The following ZFYVE28 variants were observed in gnomAD, a reference collection of about 807,000 sequenced individuals.
ZFYVE28 encodes the protein zinc finger FYVE-type containing 28.
In ZFYVE28, 40 loss-of-function variants were observed where a neutral mutation model predicts 82.1. That is an observed-to-expected ratio of 0.49 (90% confidence interval 0.38 to 0.63). ZFYVE28 has a LOEUF of 0.63. Among genes scored for constraint, ZFYVE28 ranks in the 30% least tolerant of loss-of-function variants. The pLI is 0.00. For missense variants in ZFYVE28, 1,321 were observed against 1,242.1 expected, an observed-to-expected ratio of 1.06 and a Z score of -0.96; for synonymous variants, 612 against 546.1, an observed-to-expected ratio of 1.12 and a Z score of -1.68.
At chr4:2,338,956 C>T (rs928007029) in intron 4 of ZFYVE28, among the ~76,000 whole-genome samples, 9 of 151,602 alleles carry the variant, frequency 5.9e-5, no homozygotes, top group Non-Finnish European at 1.3e-4. Flanking sequence ...TCCTGAGTGG[C>T]GCGCCACCAG....
chr4:2,325,155 T>G (rs1406985822), intron 6 of ZFYVE28: 9 of 152,164 alleles, frequency 5.9e-5, no homozygotes, highest in Non-Finnish European at 1.3e-4. Context: ...ATTTTTCTCT[T>G]AAAGCAAATG....
intron 6 of ZFYVE28, chr4:2,330,167 G>A (rs28722607): frequency 0.077 from 48,577 of 631,376 alleles, 2,023 homozygotes; most frequent in African/African-American, 0.12. Flanking sequence ...ACATCTTTGT[G>A]AGTAATGAAA....
chr4:2,273,340 C>G, intron 9 of ZFYVE28, 51 bp from the exon 10 acceptor site: 1 of 1,530,568 alleles, frequency 6.5e-7, no homozygotes, highest in Non-Finnish European at 8.9e-7. Flanking sequence ...ATGGAAGGAA[C>G]TGCGGAGGTC....
At position 2,351,582 on chromosome 4, in the gene ZFYVE28, C is replaced by CGG. The variant is rs1724454523; in HGVS notation, c.180+2350_180+2351insCC. On this transcript the variant is annotated intron_variant, in intron 2 of 12. Coordinates refer to ENST00000290974, the MANE Select transcript of ZFYVE28 (RefSeq NM_020972.3). ...TACAAAAATTAGCAGGGCATGGTGG[C>CGG]GCATGCCTGTAATCCCAGCTACTCA... Among the ~76,000 whole-genome samples the CGG allele has an allele frequency of 4.6e-5, 7 of 151,932 alleles. No individual in the cohort carries two copies. The South Asian group carries it at 8.3e-4, about 18-fold the overall frequency.
chr4:2,393,660 C>G (rs576002836), intron 1 of ZFYVE28, among the ~76,000 whole-genome samples: 1 of 152,188 alleles, frequency 6.6e-6, no homozygotes, highest in Admixed American at 6.5e-5. Flanking sequence ...TGCAATATTT[C>G]GAGACTGGCT....
chr4:2,315,696 G>C (rs1718105379), intron 7 of ZFYVE28, among the ~76,000 whole-genome samples: 1 of 152,134 alleles, frequency 6.6e-6, no homozygotes, highest in Admixed American at 6.6e-5. Flanking sequence ...TTTTTCTCTT[G>C]CTGCTTGTCA....
At chr4:2,315,431 G>A (rs924340418) in intron 7 of ZFYVE28, among the ~76,000 whole-genome samples, 1 of 152,048 alleles carries the variant, frequency 6.6e-6, no homozygotes, top group Non-Finnish European at 1.5e-5. Flanking sequence ...CCGCCACCAC[G>A]CCTGGCTGAT....
At chr4:2,386,904 C>T (rs1241470131) in intron 1 of ZFYVE28, among the ~76,000 whole-genome samples, 1 of 152,274 alleles carries the variant, frequency 6.6e-6, no homozygotes, top group African/African-American at 2.4e-5. Flanking sequence ...CTCAGCTCGC[C>T]TCCCGGAGCA....
chr4:2,357,551 C>G (rs367585194), intron 1 of ZFYVE28, among the ~76,000 whole-genome samples: 7 of 152,316 alleles, frequency 4.6e-5, no homozygotes, highest in African/African-American at 1.7e-4. Flanking sequence ...CCAAACCTGC[C>G]CGCTCCCCTT....
chr4:2,412,466 G>C (rs1028653573), intron 1 of ZFYVE28, among the ~76,000 whole-genome samples: 1 of 152,092 alleles, frequency 6.6e-6, no homozygotes, highest in Admixed American at 6.5e-5. Context: ...ATCCCCACCT[G>C]ACACTAGGGA....
intron 1 of ZFYVE28, among the ~76,000 whole-genome samples, chr4:2,368,969 G>A (rs900860997): frequency 2.0e-5 from 3 of 152,182 alleles, no homozygotes; most frequent in Non-Finnish European, 2.9e-5. Context: ...CTATGTCTTC[G>A]CCAACACTTG....
chr4:2,315,091 C>T (rs1177492658), intron 7 of ZFYVE28, among the ~76,000 whole-genome samples: 1 of 151,910 alleles, frequency 6.6e-6, no homozygotes, highest in Non-Finnish European at 1.5e-5. Flanking sequence ...AGCATTTCTA[C>T]ATTTCCATCT....
rs1032474618 is a variant in ZFYVE28, at chr4:2,417,777, G to A, written c.39+508C>T. On this transcript the variant is annotated intron_variant, in intron 1 of 12. Coordinates refer to ENST00000290974, the MANE Select transcript of ZFYVE28 (RefSeq NM_020972.3). This position sits in a 1 kb window ranked among gnomAD's most constrained non-coding sequence, Gnocchi z 4.8. Reference sequence around the variant, plus strand: ...AAATGTGGGTTCTCTCAGAACCTGGGGAAGTGGGGAGAGGGTCTGTTCTGG... The same window carrying A: ...AAATGTGGGTTCTCTCAGAACCTGGAGAAGTGGGGAGAGGGTCTGTTCTGG... 1.3e-5 allele frequency among the ~76,000 whole-genome samples: 2 copies of A among 152,100 alleles called. No individual in the cohort carries two copies. Among genetic ancestry groups the A allele is most frequent in the African/African-American group, 4.8e-5 (2 of 41,424 alleles).
chr4:2,402,646 CACA>C (rs531225181), intron 1 of ZFYVE28, among the ~76,000 whole-genome samples: 2 of 152,272 alleles, frequency 1.3e-5, no homozygotes, highest in East Asian at 1.9e-4. Context: ...TAGACAGTCG[CACA>C]ACAACACTCA....
chr4:2,276,151 G>A (rs1736419955), intron 8 of ZFYVE28, among the ~76,000 whole-genome samples: 1 of 152,238 alleles, frequency 6.6e-6, no homozygotes, highest in African/African-American at 2.4e-5. Flanking sequence ...CAGAGCGGGG[G>A]AGGAGGCTGG....
chr4:2,350,904 T>C (rs2108878479), intron 2 of ZFYVE28, among the ~76,000 whole-genome samples: 1 of 152,350 alleles, frequency 6.6e-6, no homozygotes, highest in East Asian at 1.9e-4. Flanking sequence ...TTCCCGACCT[T>C]AGCCTGTGCA....
At chr4:2,403,792 C>T (rs970082998) in intron 1 of ZFYVE28, among the ~76,000 whole-genome samples, 1 of 151,950 alleles carries the variant, frequency 6.6e-6, no homozygotes. Context: ...TGGTGAAACC[C>T]CGTCTCTACT....
intron 8 of ZFYVE28, 132 bp downstream of exon 8, chr4:2,304,157 G>C (rs1025252488): frequency 8.2e-7 from 1 of 1,216,182 alleles, no homozygotes; most frequent in Non-Finnish European, 1.1e-6. Context: ...CCCCACACTC[G>C]GCCAGGGCCC....
chr4:2,417,692 G>A lies in ZFYVE28; in HGVS notation c.39+593C>T, dbSNP rs1431842319. 6.6e-6 allele frequency among the ~76,000 whole-genome samples: 1 copy of A among 152,104 alleles called. No individual in the cohort carries two copies. ...GTTCGGGAAGGGAGGCCGTTGGCAG[G>A]GCCATCAGGATCCTCTCTGGACATG... On this transcript the variant is annotated intron_variant, in intron 1 of 12. Coordinates refer to ENST00000290974, the MANE Select transcript of ZFYVE28 (RefSeq NM_020972.3). The surrounding 1 kb of genome is among the most constrained non-coding windows in gnomAD (Gnocchi z 4.8).
Sources: allele counts gnomAD v4.1 joint callset (sites outside exome capture counted in the v4.1 genomes callset), GRCh38; gene constraint gnomAD v4.1.1; non-coding constraint Gnocchi (gnomAD v3.1); transcripts MANE v1.5; gene names NCBI Gene and HGNC (gene_info 2026-07-23, HGNC 2026-07-21).